AREL1: variants seen among roughly 807,000 people sequenced by gnomAD.
The protein encoded by AREL1 is apoptosis resistant E3 ubiquitin protein ligase 1.
Under a neutral mutation model 99.0 loss-of-function variants are expected in AREL1, and 62 were observed. The observed-to-expected ratio is 0.63, with a 90% CI of 0.51 to 0.77. The LOEUF (loss-of-function observed/expected upper bound fraction) is 0.77, where lower values mean the gene tolerates loss of function less well. Ranked by LOEUF, AREL1 falls within the 30% of genes least tolerant of loss-of-function variation. AREL1 has a pLI of 0.00. For synonymous variants in AREL1, 380 were observed against 376.5 expected, an observed-to-expected ratio of 1.01 and a Z score of -0.11; for missense variants, 879 against 1,027.6, an observed-to-expected ratio of 0.86 and a Z score of 1.98.
chr14:74,686,686 T>C (rs2089755451), intron 2 of AREL1, among the ~76,000 whole-genome samples: 1 of 152,168 alleles, frequency 6.6e-6, no homozygotes, highest in Admixed American at 6.5e-5. Flanking sequence ...TGTTTTTACA[T>C]CTGATTGTGC....
intron 2 of AREL1, among the ~76,000 whole-genome samples, chr14:74,687,619 A>C (rs2089776901): frequency 6.6e-6 from 1 of 152,212 alleles, no homozygotes; most frequent in Non-Finnish European, 1.5e-5. Flanking sequence ...GTGACCCTGG[A>C]CAAGTCATTT....
rs1174622966 is a variant in AREL1 at position 74,669,508 on chromosome 14, A to T, written c.1914+141T>A. The T allele has an allele frequency of 4.7e-6, 5 of 1,071,050 alleles. No individual in the cohort carries two copies. In the African/African-American group the frequency reaches 8.0e-5, roughly 17 times the overall value. 66.3% of individuals were successfully genotyped at this position (1,071,050 alleles called of 1,614,324 possible). On this transcript the variant is annotated intron_variant, in intron 15 of 19. Coordinates refer to ENST00000356357, the MANE Select transcript of AREL1 (RefSeq NM_001039479.2). ...ATTAACTAAAATGAGAAGTTCACTT[A>T]TTATGTCACCCACATTTTGGGTGTT... is the stretch of plus-strand genomic sequence containing the variant.
chr14:74,664,972 G>C, intron 17 of AREL1, 47 bp from the exon 18 acceptor site: 1 of 1,528,762 alleles, frequency 6.5e-7, no homozygotes, highest in East Asian at 2.3e-5. Flanking sequence ...GAGAGACAAA[G>C]ACCCAATATA....
At position 74,667,150 on chromosome 14, in the gene AREL1, A is replaced by AT. The variant is rs201433610; in HGVS notation, c.2103+168dup. Among the ~76,000 whole-genome samples the AT allele has an allele frequency of 2.3e-3, 345 of 152,226 alleles. 2 individuals carry two copies. Among genetic ancestry groups the AT allele is most frequent in the African/African-American group, 8.1e-3 (336 of 41,522 alleles). ...CTTTGCTACTAATTTTCACATTCTAATTTTTTAAAGGCTGAAGGGTCAATG... is the reference window on the plus strand; with the variant it reads ...CTTTGCTACTAATTTTCACATTCTAATTTTTTTAAAGGCTGAAGGGTCAATG... On this transcript the variant is annotated intron_variant, in intron 17 of 19. Coordinates refer to ENST00000356357, the MANE Select transcript of AREL1 (RefSeq NM_001039479.2).
At chr14:74,683,247 A>C in intron 5 of AREL1, 49 bp downstream of exon 5, 1 of 1,305,130 alleles carries the variant, frequency 7.7e-7, no homozygotes, top group Non-Finnish European at 1.1e-6. Context: ...GGATGGAAAG[A>C]GAGAGAGGGA....
chr14:74,691,438 G>A (rs757436748), intron 2 of AREL1, among the ~76,000 whole-genome samples: 5 of 151,872 alleles, frequency 3.3e-5, no homozygotes, highest in Non-Finnish European at 7.4e-5. Flanking sequence ...AAGTATTTGG[G>A]GAAAAAAAGA....
intron 1 of AREL1, among the ~76,000 whole-genome samples, chr14:74,708,785 C>T (rs930103671): frequency 1.3e-5 from 2 of 152,162 alleles, no homozygotes; most frequent in Non-Finnish European, 2.9e-5. Context: ...TCATATGGAA[C>T]CGTTCAATTA....
Position 74,684,488 on chromosome 14 carries a change from T to C in AREL1, c.209A>G (p.Tyr70Cys), listed in dbSNP as rs201366093. 102 of 1,613,996 alleles carry C rather than the reference T, an allele frequency of 6.3e-5. No individual in the cohort carries two copies. The highest frequency in any genetic ancestry group is 8.4e-5 in the Non-Finnish European group (99 of 1,180,014). ...GAAGGCCATGCTGTGGCCCACCTCA[T>C]AGGGGTCCTTCCAATCCCAGGAGAC... Reference protein sequence around the residue: ...CKVSWDWKDPYEVGHSMAFRV... With the variant: ...CKVSWDWKDPCEVGHSMAFRV... Residue 70 changes from tyrosine (Y) to cysteine (C), a missense_variant, in exon 4 of 20, where the codon TAT becomes TGT. Physicochemically the swap from Tyr to Cys is radical, Grantham distance 194 (BLOSUM62 -2). Transcript: ENST00000356357.
At chr14:74,687,067 T>C (rs1436839927) in intron 2 of AREL1, among the ~76,000 whole-genome samples, 3 of 152,234 alleles carry the variant, frequency 2.0e-5, no homozygotes, top group East Asian at 1.9e-4. Context: ...ACTAGATGAC[T>C]TGGTGGGACC....
rs762255128 is a variant in AREL1 at position 74,669,969 on chromosome 14, A to G, written c.1766T>C (p.Ile589Thr). Residue 589 changes from isoleucine (I) to threonine (T), a missense_variant, in exon 14 of 20, where the codon ATA becomes ACA. Transcript: ENST00000356357. ...RFTRSFLAQIIGLRMHYKYFE... is the reference protein window; with the variant it reads ...RFTRSFLAQITGLRMHYKYFE... Reference sequence around the variant, plus strand: ...TACCTTGTAATGCATACGCAGTCCTATGATTTGGGCCAGGAAAGAGCGGGT... The same window carrying G: ...TACCTTGTAATGCATACGCAGTCCTGTGATTTGGGCCAGGAAAGAGCGGGT... 4 of 1,612,534 alleles carry G rather than the reference A, an allele frequency of 2.5e-6. No individual in the cohort carries two copies. Among genetic ancestry groups the G allele is most frequent in the Non-Finnish European group, 3.4e-6 (4 of 1,179,230 alleles).
At chr14:74,690,290 C>T (rs983656665) in intron 2 of AREL1, among the ~76,000 whole-genome samples, 13 of 143,090 alleles carry the variant, frequency 9.1e-5, no homozygotes, top group African/African-American at 3.3e-4. Context: ...AAAAAAGCTC[C>T]AAAGAAACCA....
Position 74,662,182 on chromosome 14 carries a change from C to G in AREL1, c.*1538G>C, listed in dbSNP as rs1480424325. On this transcript the variant is annotated 3_prime_UTR_variant, in exon 20 of 20. Coordinates refer to ENST00000356357, the MANE Select transcript of AREL1 (RefSeq NM_001039479.2). ...TGTGCCAAGAAAGGACAAATGATGA[C>G]TGCGAAAGACTGAGGTCAGGCAGGA... is the stretch of plus-strand genomic sequence containing the variant. The G allele has an allele frequency of 6.0e-6, 1 of 165,434 alleles. No individual in the cohort carries two copies. The highest frequency in any genetic ancestry group is 1.3e-5 in the Non-Finnish European group (1 of 76,836). The allele number at this position is 165,434 out of a possible 1,614,324, so 10.2% of individuals were successfully genotyped here.
intron 5 of AREL1, among the ~76,000 whole-genome samples, chr14:74,676,982 G>A (rs2089496926): frequency 6.6e-6 from 1 of 151,692 alleles, no homozygotes; most frequent in African/African-American, 2.4e-5. Flanking sequence ...TGTATTTTTA[G>A]TGGAGACGGG....
chr14:74,693,919 G>A (rs989065597), intron 1 of AREL1, among the ~76,000 whole-genome samples: 3 of 152,222 alleles, frequency 2.0e-5, no homozygotes, highest in African/African-American at 7.2e-5. Flanking sequence ...GTTCACGCCT[G>A]TAATCCCAGC....
chr14:74,698,814 A>G, intron 1 of AREL1: 1 of 262,068 alleles, frequency 3.8e-6, no homozygotes, highest in Non-Finnish European at 8.3e-6. Context: ...GCTTGCGCCC[A>G]GGAGTTCAAG....
At position 74,684,615 on chromosome 14, in the gene AREL1, G is replaced by C. The variant is rs757606025; in HGVS notation, c.82C>G (p.Arg28Gly). ...TIKFLFELAARVVSFLQNEDR... is the reference protein window; with the variant it reads ...TIKFLFELAAGVVSFLQNEDR... ...TCATTCTGGAGGAAGCTGACTACAC[G>C]TGCGGCAAGCTCAAAGAGGAACTTA... The change falls in exon 4 of 20, where the codon CGT becomes GGT. Residue 28 changes from arginine to glycine, a missense_variant. By Grantham distance (125) the Arg-to-Gly change is moderately radical. Transcript: ENST00000356357. 6.2e-7 allele frequency: 1 copy of C among 1,614,166 alleles called. No individual in the cohort carries two copies. Among genetic ancestry groups the C allele is most frequent in the Non-Finnish European group, 8.5e-7 (1 of 1,180,024 alleles).
intron 1 of AREL1, among the ~76,000 whole-genome samples, chr14:74,706,257 C>T (rs1428767034): frequency 6.6e-6 from 1 of 152,124 alleles, no homozygotes; most frequent in Non-Finnish European, 1.5e-5. Context: ...CAAGCCGTCT[C>T]CCTCAATAAG....
intron 1 of AREL1, among the ~76,000 whole-genome samples, chr14:74,695,123 G>A (rs1425799126): frequency 1.4e-5 from 2 of 146,454 alleles, no homozygotes; most frequent in Admixed American, 6.9e-5. Flanking sequence ...CCAGGCTGGA[G>A]TGCACTGGCA....
At position 74,661,605 on chromosome 14, in the gene AREL1, GAAA is replaced by G. The variant is rs34192596; in HGVS notation, c.*2112_*2114del. ...ACTGGCTAGTATGAAAGCAGGATTAGAAAAAAAAAAAACAAAACAGTAAAAGAA... is the reference window on the plus strand; with the variant it reads ...ACTGGCTAGTATGAAAGCAGGATTAGAAAAAAAAACAAAACAGTAAAAGAA... On this transcript the variant is annotated 3_prime_UTR_variant, in exon 20 of 20. Transcript: ENST00000356357. 9.3e-5 allele frequency: 16 copies of G among 172,960 alleles called. No homozygotes were observed. The highest frequency in any genetic ancestry group is 3.2e-4 in the South Asian group (3 of 9,434). 10.7% of individuals were successfully genotyped at this position (172,960 alleles called of 1,614,324 possible). A position where few individuals can be genotyped will look rare whatever the true frequency, so the allele number is the denominator to read the frequency against.
Sources: gnomAD v4.1 joint callset for allele counts (sites outside exome capture counted in the v4.1 genomes callset) on GRCh38, gnomAD v4.1.1 for gene constraint, MANE v1.5 for transcripts, NCBI Gene and HGNC (gene_info 2026-07-23, HGNC 2026-07-21) for gene names.